The following ADCYAP1R1 variants were observed in gnomAD, a reference collection of about 807,000 sequenced individuals.
ADCYAP1R1 encodes ADCYAP receptor type I.
In ADCYAP1R1, 44 loss-of-function variants were observed where a neutral mutation model predicts 67.6. The observed-to-expected ratio is 0.65, with a 90% CI of 0.51 to 0.84. The LOEUF is 0.84. Among genes scored for constraint, ADCYAP1R1 ranks in the 40% least tolerant of loss-of-function variants. The probability of loss-of-function intolerance (pLI) is 0.00; values close to 1 mark genes in which losing one functional copy is unlikely to be tolerated. For synonymous variants in ADCYAP1R1, 222 were observed against 219.6 expected (o/e 1.01, Z -0.10); for missense variants, 477 against 587.9 (o/e 0.81, Z 1.95).
At chr7:31,074,987 C>T (rs73688758) in intron 3 of ADCYAP1R1, among the ~76,000 whole-genome samples, 4,184 of 152,238 alleles carry the variant, frequency 0.027, 195 homozygotes, top group African/African-American at 0.095. Flanking sequence ...GGATTTTCTC[C>T]GTCTAAAAGC....
chr7:31,090,928 T>C (rs1266753720), intron 12 of ADCYAP1R1, among the ~76,000 whole-genome samples: 1 of 152,252 alleles, frequency 6.6e-6, no homozygotes, highest in African/African-American at 2.4e-5. Context: ...CCTTTGGGCA[T>C]ATACTCAGTA....
chr7:31,055,003 G>A (rs374982172), intron 1 of ADCYAP1R1, among the ~76,000 whole-genome samples: 4 of 152,318 alleles, frequency 2.6e-5, no homozygotes, highest in South Asian at 4.1e-4. Flanking sequence ...CAGCCGCCTG[G>A]CAAGATGGAG....
At chr7:31,103,467 G>A in intron 14 of ADCYAP1R1, 101 bp downstream of exon 14, 1 of 1,528,542 alleles carries the variant, frequency 6.5e-7, no homozygotes, top group Non-Finnish European at 8.9e-7. Flanking sequence ...ACTGTAAAGT[G>A]AGTGCTAGAG....
At chr7:31,078,813 G>A (rs2128626379) in intron 4 of ADCYAP1R1, among the ~76,000 whole-genome samples, 1 of 152,360 alleles carries the variant, frequency 6.6e-6, no homozygotes, top group South Asian at 2.1e-4. Flanking sequence ...CACACGGGGA[G>A]CAGTGCCACA....
intron 3 of ADCYAP1R1, among the ~76,000 whole-genome samples, chr7:31,066,876 G>A (rs1794759358): frequency 6.6e-6 from 1 of 152,204 alleles, no homozygotes; most frequent in African/African-American, 2.4e-5. Flanking sequence ...GGAGCCTGGT[G>A]TTTTTGGCAG....
chr7:31,080,179 G>A (rs1247514620), intron 4 of ADCYAP1R1, among the ~76,000 whole-genome samples: 3 of 152,200 alleles, frequency 2.0e-5, no homozygotes, highest in Non-Finnish European at 4.4e-5. Context: ...GCACAATGAA[G>A]GTGTTATTTA....
intron 4 of ADCYAP1R1, among the ~76,000 whole-genome samples, chr7:31,079,588 A>C (rs1445816918): frequency 2.0e-5 from 3 of 152,210 alleles, no homozygotes; most frequent in Non-Finnish European, 4.4e-5. Context: ...ATTTGCTGTC[A>C]AACCTCGAAT....
intron 13 of ADCYAP1R1, among the ~76,000 whole-genome samples, chr7:31,096,844 T>C (rs1796215342): frequency 3.7e-5 from 1 of 26,720 alleles, no homozygotes. Flanking sequence ...CCACATTCTG[T>C]GGACCGCCAA....
chr7:31,079,493 G>T (rs1381873519), intron 4 of ADCYAP1R1, among the ~76,000 whole-genome samples: 1 of 152,228 alleles, frequency 6.6e-6, no homozygotes, highest in Non-Finnish European at 1.5e-5. Flanking sequence ...CCTAGAAGGG[G>T]CGAGTTTCCA....
chr7:31,086,251 C>A lies in ADCYAP1R1; in HGVS notation c.670-133C>A. On this transcript the variant is annotated intron_variant, in intron 9 of 15. Coordinates refer to ENST00000304166, the MANE Select transcript of ADCYAP1R1 (RefSeq NM_001118.5). The surrounding 1 kb of genome is among the most constrained non-coding windows in gnomAD (Gnocchi z 5.0). Reference sequence around the variant, plus strand: ...ATGCTGCAATTTTCAACTCTTTGATCCAGGAATATTGACTCTCTTAGATCC... The same window carrying A: ...ATGCTGCAATTTTCAACTCTTTGATACAGGAATATTGACTCTCTTAGATCC... The A allele has an allele frequency of 1.0e-6, 1 of 977,126 alleles. No individual in the cohort carries two copies. The highest frequency in any genetic ancestry group is 1.5e-6 in the Non-Finnish European group (1 of 676,178). 60.5% of individuals were successfully genotyped at this position (977,126 alleles called of 1,614,324 possible). A position where few individuals can be genotyped will look rare whatever the true frequency, so the allele number is the denominator to read the frequency against.
chr7:31,087,601 C>T (rs1407179714), intron 11 of ADCYAP1R1, 26 bp from the exon 12 acceptor site: 8 of 1,611,834 alleles, frequency 5.0e-6, no homozygotes, highest in Non-Finnish European at 5.9e-6. Flanking sequence ...CAGACGTGAT[C>T]TTGCTTCTCT....
chr7:31,089,227 G>T (rs1795867442), intron 12 of ADCYAP1R1, among the ~76,000 whole-genome samples: 1 of 151,510 alleles, frequency 6.6e-6, no homozygotes, highest in Non-Finnish European at 1.5e-5. Flanking sequence ...TCTCTTATTG[G>T]TTTTTATCCC....
chr7:31,080,688 G>GTTTC (rs1795480797), intron 5 of ADCYAP1R1, 55 bp downstream of exon 5: 1 of 1,593,624 alleles, frequency 6.3e-7, no homozygotes, highest in South Asian at 1.1e-5. Context: ...TCCAGCAGGA[G>GTTTC]CCCAGCCTCA....
rs943747524 is a variant in ADCYAP1R1, at chr7:31,063,321, G to A, written c.51+6G>A. 1.9e-6 allele frequency: 3 copies of A among 1,614,022 alleles called. No individual in the cohort carries two copies. Among genetic ancestry groups the A allele is most frequent in the Admixed American group, 1.7e-5 (1 of 60,000 alleles). On this transcript the variant is annotated splice_donor_region_variant and intron_variant, in intron 2 of 15. Transcript: ENST00000304166. ...CTCTCCTCCTGCTGCCTATGGTAAGGGCCCAGGAACATCTCTCTGGGAGCC... is the reference window on the plus strand; with the variant it reads ...CTCTCCTCCTGCTGCCTATGGTAAGAGCCCAGGAACATCTCTCTGGGAGCC...
At chr7:31,054,618 T>G (rs1254819294) in intron 1 of ADCYAP1R1, among the ~76,000 whole-genome samples, 1 of 152,230 alleles carries the variant, frequency 6.6e-6, no homozygotes, top group East Asian at 1.9e-4. Context: ...GGACAGGGCT[T>G]AAGCTGGAGT....
chr7:31,087,703 G>A lies in ADCYAP1R1; in HGVS notation c.954+7G>A, dbSNP rs368179933. On this transcript the variant is annotated splice_region_variant and intron_variant, in intron 12 of 15. Transcript: ENST00000304166. ...TGTGGTTGGCTCTATCATGGTGAGT[G>A]TCCTTGGGATGAAGAGGAAGGGAAG... is the stretch of plus-strand genomic sequence containing the variant. 1.9e-6 allele frequency: 3 copies of A among 1,612,204 alleles called. No individual in the cohort carries two copies. The highest frequency in any genetic ancestry group is 1.1e-5 in the South Asian group (1 of 90,778).
chr7:31,084,847 G>A lies in ADCYAP1R1; in HGVS notation c.536+13G>A. On this transcript the variant is annotated intron_variant, in intron 8 of 15. Transcript: ENST00000304166. ...TTTGTCGCTTCCGGTGAGACCCTCAGCAACATTCAAGCAAGCACCAGAGCT... is the reference window on the plus strand; with the variant it reads ...TTTGTCGCTTCCGGTGAGACCCTCAACAACATTCAAGCAAGCACCAGAGCT... The A allele has an allele frequency of 6.2e-7, 1 of 1,612,256 alleles. No individual in the cohort carries two copies. Among genetic ancestry groups the A allele is most frequent in the South Asian group, 1.1e-5 (1 of 91,040 alleles).
At chr7:31,087,918 T>C (rs1431610199) in intron 12 of ADCYAP1R1, among the ~76,000 whole-genome samples, 1 of 152,270 alleles carries the variant, frequency 6.6e-6, no homozygotes, top group Admixed American at 6.5e-5. Flanking sequence ...AGAAATAGTT[T>C]TGTGCATAAT....
intron 3 of ADCYAP1R1, among the ~76,000 whole-genome samples, chr7:31,071,989 AT>A (rs1795006060): frequency 7.7e-6 from 1 of 130,700 alleles, no homozygotes; most frequent in East Asian, 2.5e-4. Flanking sequence ...CCATCCATCC[AT>A]CCATCCATCC....
Sources: allele counts gnomAD v4.1 joint callset (sites outside exome capture counted in the v4.1 genomes callset), GRCh38; gene constraint gnomAD v4.1.1; non-coding constraint Gnocchi (gnomAD v3.1); transcripts MANE v1.5; gene names NCBI Gene and HGNC (gene_info 2026-07-23, HGNC 2026-07-21).